Variants in ABCB11 observed in about 807,000 individuals in gnomAD.
ABCB11 encodes the protein ATP binding cassette subfamily B member 11.
Under a neutral mutation model 148.0 loss-of-function variants are expected in ABCB11, and 95 were observed. That is an observed-to-expected ratio of 0.64 (90% confidence interval 0.54 to 0.76). The LOEUF is 0.76. Ranked by LOEUF, ABCB11 falls within the 30% of genes least tolerant of loss-of-function variation. The pLI is 0.00. For missense variants in ABCB11, 1,523 were observed against 1,617.8 expected, an observed-to-expected ratio of 0.94 and a Z score of 1.01; for synonymous variants, 591 against 555.4, an observed-to-expected ratio of 1.06 and a Z score of -0.90.
Position 168,969,298 on chromosome 2 carries a change from A to G in ABCB11, c.2011+52T>C, listed in dbSNP as rs530196807. The stretch of plus-strand genomic sequence containing the variant: ...AATACATAGAAAACCGTAAAGCACT[A>G]TAGACATTAACTATTTAATATAACA... On this transcript the variant is annotated intron_variant, in intron 16 of 27. Transcript: ENST00000650372. The G allele has an allele frequency of 6.0e-6, 9 of 1,493,368 alleles. No homozygotes were observed. The East Asian group carries it at 1.4e-4, about 24-fold the overall frequency. The allele number at this position is 1,493,368 out of a possible 1,614,324, so 92.5% of individuals were successfully genotyped here.
chr2:169,015,667 C>G (rs1558928895), intron 3 of ABCB11, among the ~76,000 whole-genome samples: 1 of 152,046 alleles, frequency 6.6e-6, no homozygotes. Context: ...AAAATTTCAA[C>G]CCCACCCCCC....
intron 1 of ABCB11, among the ~76,000 whole-genome samples, chr2:169,024,997 C>A (rs908534286): frequency 6.6e-6 from 1 of 151,482 alleles, no homozygotes; most frequent in Admixed American, 6.6e-5. Context: ...GCCGGTTACA[C>A]AATTTTTGAA....
In ABCB11 at chr2:168,932,548, A is replaced by G. The variant is rs1468717957; in HGVS notation, c.3057-15T>C. ...CAGAGATCACCCTGTAACCAGACAG[A>G]CACACAGGAAGAGAGCAGGGTGGCG... On this transcript the variant is annotated splice_polypyrimidine_tract_variant and intron_variant, in intron 23 of 27. Coordinates refer to ENST00000650372, the MANE Select transcript of ABCB11 (RefSeq NM_003742.4). 7 of 1,612,086 alleles carry G rather than the reference A, an allele frequency of 4.3e-6. No homozygotes were observed. The Admixed American group carries it at 1.0e-4, about 23-fold the overall frequency.
At chr2:168,947,025 G>A (rs1180860392) in intron 19 of ABCB11, among the ~76,000 whole-genome samples, 1 of 151,688 alleles carries the variant, frequency 6.6e-6, no homozygotes, top group Non-Finnish European at 1.5e-5. Context: ...CAACTCCAAG[G>A]GCTATCCATC....
At position 168,975,545 on chromosome 2, in the gene ABCB11, AT is replaced by A. The variant is rs1415070380; in HGVS notation, c.1308+1031del. On this transcript the variant is annotated intron_variant, in intron 12 of 27. Coordinates refer to ENST00000650372, the MANE Select transcript of ABCB11 (RefSeq NM_003742.4). Reference sequence around the variant, plus strand: ...TATTTTTATATTTATAGATAAATATATAAATACATAAATATTTTTATATTTA... The same window carrying A: ...TATTTTTATATTTATAGATAAATATAAAATACATAAATATTTTTATATTTA... Among the ~76,000 whole-genome samples, 105 of 21,676 alleles carry A rather than the reference AT, an allele frequency of 4.8e-3. 7 individuals are homozygous for A. The highest frequency in any genetic ancestry group is 0.021 in the East Asian group (7 of 328). 14.2% of individuals were successfully genotyped at this position (21,676 alleles called of 152,430 possible).
At chr2:169,000,675 A>C (rs74905691) in intron 5 of ABCB11, among the ~76,000 whole-genome samples, 3,429 of 152,222 alleles carry the variant, frequency 0.023, 124 homozygotes, top group African/African-American at 0.077. Flanking sequence ...TGACTGCATT[A>C]GCTATATAAT....
chr2:168,927,392 G>A lies in ABCB11; in HGVS notation c.3412-30C>T, dbSNP rs74421509. 5.8e-5 allele frequency: 92 copies of A among 1,578,782 alleles called. 3 individuals carry two copies. In the African/African-American group the frequency reaches 8.1e-4, roughly 14 times the overall value. ...CAATAGAGGAGATGACAGGTCATTAGGTTTTTAGAATTCCAGCAGTGAGGA... is the reference window on the plus strand; with the variant it reads ...CAATAGAGGAGATGACAGGTCATTAAGTTTTTAGAATTCCAGCAGTGAGGA... On this transcript the variant is annotated intron_variant, in intron 25 of 27. Transcript: ENST00000650372.
intron 3 of ABCB11, 116 bp from the exon 4 acceptor site, chr2:169,014,470 G>C: frequency 2.1e-6 from 2 of 956,886 alleles, no homozygotes; most frequent in South Asian, 3.1e-5. Context: ...CCCACTGGCT[G>C]GAAAATTCTG....
In ABCB11 at chr2:168,930,668, C is replaced by A; in HGVS notation, c.3408G>T (p.Lys1136Asn). The change falls in exon 25 of 28, where the codon AAG (lysine) becomes AAT (asparagine). Residue 1136 changes from lysine (K) to asparagine (N), a missense_variant. Transcript: ENST00000650372. ...TCAAAAAGGTTGCGTGGCTTACCACCTTCCCTTGATCAGGATCATAGAAAC... is the reference window on the plus strand; with the variant it reads ...TCAAAAAGGTTGCGTGGCTTACCACATTCCCTTGATCAGGATCATAGAAAC... ...LERFYDPDQG[K>N]VMIDGHDSKK... 1 of 1,528,650 alleles carries A rather than the reference C, an allele frequency of 6.5e-7. No individual in the cohort carries two copies. The highest frequency in any genetic ancestry group is 8.8e-7 in the Non-Finnish European group (1 of 1,130,162). The allele number at this position is 1,528,650 out of a possible 1,614,324, so 94.7% of individuals were successfully genotyped here.
At chr2:168,958,344 T>C (rs1692895532) in intron 18 of ABCB11, among the ~76,000 whole-genome samples, 1 of 151,620 alleles carries the variant, frequency 6.6e-6, no homozygotes, top group East Asian at 2.0e-4. Context: ...GGAATACGCA[T>C]TTGAAGGTGA....
chr2:169,013,120 G>A (rs979827753), intron 5 of ABCB11, among the ~76,000 whole-genome samples, 152 bp downstream of exon 5: 8 of 152,122 alleles, frequency 5.3e-5, no homozygotes, highest in African/African-American at 1.9e-4. Context: ...TTGAGGCAGA[G>A]TAATTTCTAG....
At chr2:168,946,673 A>T (rs1228390202) in intron 19 of ABCB11, among the ~76,000 whole-genome samples, 1 of 151,826 alleles carries the variant, frequency 6.6e-6, no homozygotes, top group Non-Finnish European at 1.5e-5. Flanking sequence ...GTCACCTTTT[A>T]TAATGATGGT....
chr2:169,018,249 A>G (rs373383954), intron 1 of ABCB11, 97 bp from the exon 2 acceptor site: 6 of 1,053,560 alleles, frequency 5.7e-6, no homozygotes, highest in East Asian at 2.5e-5. Flanking sequence ...TCAAGAAATA[A>G]TCTTTACTAA....
intron 22 of ABCB11, among the ~76,000 whole-genome samples, 188 bp downstream of exon 22, chr2:168,936,040 CAG>C (rs1691804926): frequency 6.6e-6 from 1 of 152,226 alleles, no homozygotes; most frequent in South Asian, 2.1e-4. Context: ...GGCTCATACT[CAG>C]AGTCTCGGAG....
At chr2:168,936,870 T>C (rs1574407165) in intron 21 of ABCB11, among the ~76,000 whole-genome samples, 1 of 152,108 alleles carries the variant, frequency 6.6e-6, no homozygotes. Context: ...ATTTCATTCC[T>C]TTTTATTTTT....
At chr2:168,936,844 T>G (rs1273662371) in intron 21 of ABCB11, among the ~76,000 whole-genome samples, 1 of 152,204 alleles carries the variant, frequency 6.6e-6, no homozygotes, top group Non-Finnish European at 1.5e-5. Flanking sequence ...TCAGGCATGT[T>G]GTAGCAGGTA....
intron 17 of ABCB11, among the ~76,000 whole-genome samples, chr2:168,967,848 CA>C (rs1425141429): frequency 6.6e-6 from 1 of 151,810 alleles, no homozygotes. Flanking sequence ...TAGCATACTC[CA>C]AAAATATATT....
chr2:168,927,395 T>G, intron 25 of ABCB11, 33 bp from the exon 26 acceptor site: 1 of 1,575,722 alleles, frequency 6.3e-7, no homozygotes, highest in Non-Finnish European at 8.7e-7. Flanking sequence ...GTCATTAGGT[T>G]TTTAGAATTC....
At chr2:168,969,955 ATCC>A in intron 15 of ABCB11, 87 bp downstream of exon 15, 1 of 545,918 alleles carries the variant, frequency 1.8e-6, no homozygotes, top group Non-Finnish European at 3.6e-6. Flanking sequence ...AACTACTCCC[ATCC>A]CTCCCACCCC....
Sources: gnomAD v4.1 joint callset for allele counts (sites outside exome capture counted in the v4.1 genomes callset) on GRCh38, gnomAD v4.1.1 for gene constraint, MANE v1.5 for transcripts, NCBI Gene and HGNC (gene_info 2026-07-23, HGNC 2026-07-21) for gene names.